The following ZNF568 variants were observed in gnomAD, a reference collection of about 807,000 sequenced individuals.
ZNF568 encodes p53 inhibitor of SCO2 activation.
ZNF568 carries 11 observed loss-of-function variants against 18.1 expected under a neutral mutation model. The observed-to-expected ratio is 0.61, with a 90% CI of 0.38 to 1.00. The LOEUF is 1.00. Ranked by LOEUF, ZNF568 falls within the 50% of genes least tolerant of loss-of-function variation. The pLI is 0.01. For synonymous variants in ZNF568, 213 were observed against 246.6 expected (o/e 0.86, Z 1.28); for missense variants, 639 against 768.2 (o/e 0.83, Z 1.99).
chr19:36,950,777 A>G lies in ZNF568; in HGVS notation c.1624A>G (p.Arg542Gly), dbSNP rs1971127410. The G allele has an allele frequency of 6.2e-7, 1 of 1,613,516 alleles. No homozygotes were observed. Among genetic ancestry groups the G allele is most frequent in the South Asian group, 1.1e-5 (1 of 91,080 alleles). ...CNQCGKAFSQ[R>G]QNLLEHEKIH... ...TCAATGTGGGAAAGCTTTCAGTCAG[A>G]GACAAAATCTTCTTGAGCATGAAAA... The change falls in exon 7 of 7, where the codon AGA (arginine) becomes GGA (glycine). Residue 542 changes from arginine to glycine, a missense_variant. Arg to Gly is a moderately radical substitution (Grantham distance 125, BLOSUM62 -2). Coordinates refer to ENST00000333987, the MANE Select transcript of ZNF568 (RefSeq NM_198539.4).
At chr19:36,997,808 C>T, downstream of ZNF568, 1 of 552,814 alleles carries the variant, frequency 1.8e-6, no homozygotes, top group African/African-American at 1.9e-5. Flanking sequence ...GTGTGAGACA[C>T]CTTATAAATG....
intron 4 of ZNF568, among the ~76,000 whole-genome samples, chr19:36,927,884 ATATTATATATATATATATATTTTTTTT>A (rs2073594504): frequency 3.8e-5 from 2 of 53,008 alleles, no homozygotes; most frequent in African/African-American, 1.9e-4. Flanking sequence ...ATATATATAT[ATATTATATATATATATATATTTTTTTT>A]TTTTTTTTTT....
At chr19:36,960,580 T>G (rs912476890) in intron 6 of ZNF568, among the ~76,000 whole-genome samples, 2 of 151,940 alleles carry the variant, frequency 1.3e-5, no homozygotes, top group African/African-American at 2.4e-5. Flanking sequence ...AATACAAAAA[T>G]TAGCTGGGGT....
chr19:36,948,997 T>C (rs1476212726), intron 6 of ZNF568, among the ~76,000 whole-genome samples: 1 of 152,180 alleles, frequency 6.6e-6, no homozygotes, highest in East Asian at 1.9e-4. Context: ...TCCTAAATGC[T>C]TCTCATCCTG....
intron 2 of ZNF568, among the ~76,000 whole-genome samples, chr19:36,988,585 G>A (rs146629475): frequency 3.9e-5 from 6 of 152,208 alleles, no homozygotes; most frequent in African/African-American, 1.4e-4. Context: ...CAAGGGGGTG[G>A]TACTAAGCCA....
intron 4 of ZNF568, among the ~76,000 whole-genome samples, chr19:36,927,644 CATT>C (rs142213154): frequency 3.9e-3 from 583 of 151,380 alleles, no homozygotes; most frequent in Non-Finnish European, 6.3e-3. Context: ...TATGCACACA[CATT>C]ATTCTTAGTT....
intron 6 of ZNF568, among the ~76,000 whole-genome samples, chr19:36,938,061 G>A (rs2073819630): frequency 6.6e-6 from 1 of 152,080 alleles, no homozygotes; most frequent in Non-Finnish European, 1.5e-5. Context: ...TATTTCCAGA[G>A]AAAAACCTGT....
At chr19:36,935,174 G>A (rs2551047) in intron 4 of ZNF568, among the ~76,000 whole-genome samples, 55,009 of 150,612 alleles carry the variant, frequency 0.37, 10,247 homozygotes, top group African/African-American at 0.41. Context: ...GTTGAGTGGT[G>A]TGTTCTATAG....
At chr19:36,978,891 A>G (rs974570964) in intron 7 of ZNF568, 1 of 270,512 alleles carries the variant, frequency 3.7e-6, no homozygotes, top group Non-Finnish European at 7.2e-6. Context: ...AGTCAAGAAC[A>G]GCATCTATGA....
chr19:36,944,669 C>T (rs1407396223), intron 6 of ZNF568, among the ~76,000 whole-genome samples: 2 of 152,128 alleles, frequency 1.3e-5, no homozygotes, highest in Non-Finnish European at 2.9e-5. Context: ...AGCGCCATCC[C>T]TCTTTCTCCC....
chr19:36,934,603 G>T (rs1006758464), intron 4 of ZNF568, among the ~76,000 whole-genome samples: 11 of 152,044 alleles, frequency 7.2e-5, no homozygotes, highest in Admixed American at 6.5e-4. Context: ...TTATGGGCAC[G>T]CCCAGCCCTC....
At chr19:36,972,437 G>T (rs565586166) in intron 6 of ZNF568, among the ~76,000 whole-genome samples, 26 of 152,218 alleles carry the variant, frequency 1.7e-4, no homozygotes, top group Admixed American at 9.8e-4. Context: ...TCGGCATCCT[G>T]AGCCTGTGAC....
chr19:36,967,464 G>C (rs575024659), intron 6 of ZNF568, among the ~76,000 whole-genome samples: 2 of 152,242 alleles, frequency 1.3e-5, no homozygotes, highest in East Asian at 1.9e-4. Flanking sequence ...TTGGGAGGCT[G>C]AGGCACGAGA....
downstream of ZNF568, among the ~76,000 whole-genome samples, chr19:36,956,850 G>C (rs1415009857): frequency 1.3e-5 from 2 of 151,792 alleles, no homozygotes; most frequent in Admixed American, 6.6e-5. Flanking sequence ...TGCCCACCTT[G>C]GTCTCCCAAA....
chr19:36,935,897 G>GT (rs1600793321), intron 4 of ZNF568, among the ~76,000 whole-genome samples: 2 of 152,202 alleles, frequency 1.3e-5, no homozygotes, highest in East Asian at 1.9e-4. Flanking sequence ...GTTGAATTCT[G>GT]TTTTTCTATC....
chr19:36,979,403 T>A (rs1163765628), exon 8 of ZNF568: 1 of 152,338 alleles, frequency 6.6e-6, no homozygotes, highest in Non-Finnish European at 1.5e-5. Flanking sequence ...AAATCCCATG[T>A]GTGCTTTGAT....
At chr19:36,989,198 A>G (rs373412291) in intron 2 of ZNF568, among the ~76,000 whole-genome samples, 1 of 152,038 alleles carries the variant, frequency 6.6e-6, no homozygotes, top group Non-Finnish European at 1.5e-5. Context: ...TGATTGATTG[A>G]TTGAGACAGA....
At position 36,952,230 on chromosome 19, in the gene ZNF568, G is replaced by C; in HGVS notation, c.*1142G>C. 1 of 223,272 alleles carries C rather than the reference G, an allele frequency of 4.5e-6. No individual in the cohort carries two copies. 13.8% of individuals were successfully genotyped at this position (223,272 alleles called of 1,614,324 possible). On this transcript the variant is annotated 3_prime_UTR_variant, in exon 7 of 7. Transcript: ENST00000333987. ...GGCTGATAGAAGAAGATAACTTGAG[G>C]TCAGGAGTTCAAGACCAGCCTGGGA...
exon 7 of ZNF568, chr19:36,974,451 T>C: frequency 5.2e-6 from 8 of 1,536,158 alleles, no homozygotes; most frequent in Non-Finnish European, 7.0e-6. Flanking sequence ...GCTGTGCGTC[T>C]GAAGTGATGG....
Sources: gnomAD v4.1 joint callset for allele counts (sites outside exome capture counted in the v4.1 genomes callset) on GRCh38, gnomAD v4.1.1 for gene constraint, MANE v1.5 for transcripts, NCBI Gene and HGNC (gene_info 2026-07-23, HGNC 2026-07-21) for gene names.